SUPT3H: variants seen among roughly 807,000 people sequenced by gnomAD.
The protein encoded by SUPT3H is SPT3 homolog, SAGA and STAGA complex component.
In SUPT3H, 44 loss-of-function variants were observed where a neutral mutation model predicts 44.3. The ratio of observed to expected loss-of-function variants is 0.99; its 90% confidence interval spans 0.78 to 1.28. SUPT3H has a LOEUF of 1.28. Among genes scored for constraint, SUPT3H ranks in the 50% most tolerant of loss-of-function variants. The probability of loss-of-function intolerance (pLI) is 0.00; values close to 1 mark genes in which losing one functional copy is unlikely to be tolerated. For synonymous variants in SUPT3H, 124 were observed against 125.6 expected (o/e 0.99, Z 0.09); for missense variants, 380 against 387.1 (o/e 0.98, Z 0.15).
chr6:44,846,835 G>A (rs1771961493), intron 10 of SUPT3H, among the ~76,000 whole-genome samples: 1 of 152,064 alleles, frequency 6.6e-6, no homozygotes, highest in South Asian at 2.1e-4. Context: ...TTTCTCTGCT[G>A]GACAGGCTGG....
At chr6:45,081,836 G>A (rs1291802290) in intron 3 of SUPT3H, among the ~76,000 whole-genome samples, 4 of 152,152 alleles carry the variant, frequency 2.6e-5, no homozygotes, top group African/African-American at 9.6e-5. Flanking sequence ...AGAACTGCCT[G>A]CTCAGCAATT....
chr6:45,303,384 T>C (rs1782453049), intron 2 of SUPT3H, among the ~76,000 whole-genome samples: 1 of 151,970 alleles, frequency 6.6e-6, no homozygotes, highest in Admixed American at 6.6e-5. Context: ...GACAAAGGAC[T>C]AATATCCAGA....
chr6:45,352,658 CTG>C (rs1792299240), intron 2 of SUPT3H, among the ~76,000 whole-genome samples: 1 of 152,078 alleles, frequency 6.6e-6, no homozygotes, highest in South Asian at 2.1e-4. Context: ...TATGGAGCAA[CTG>C]TACCTAGTAT....
chr6:44,983,729 A>G (rs938984784), intron 6 of SUPT3H, among the ~76,000 whole-genome samples: 8 of 152,224 alleles, frequency 5.3e-5, no homozygotes, highest in Non-Finnish European at 1.2e-4. Context: ...GTAATATAGT[A>G]TTTAAAATAA....
chr6:45,343,770 T>C (rs1790303642), intron 2 of SUPT3H, among the ~76,000 whole-genome samples: 1 of 152,186 alleles, frequency 6.6e-6, no homozygotes, highest in Non-Finnish European at 1.5e-5. Flanking sequence ...CCAGTAGCTC[T>C]GATGTAACAC....
At chr6:44,870,760 C>A (rs1776273819) in intron 10 of SUPT3H, among the ~76,000 whole-genome samples, 1 of 150,856 alleles carries the variant, frequency 6.6e-6, no homozygotes, top group African/African-American at 2.4e-5. Context: ...CTAGGGAGTG[C>A]CAGAGAGTGG....
At chr6:45,098,219 CAG>C (rs1798066193) in intron 3 of SUPT3H, 1 of 159,394 alleles carries the variant, frequency 6.3e-6, no homozygotes, top group South Asian at 1.7e-4. Context: ...TTCAAGAAGA[CAG>C]AAGTGTGCCA....
intron 11 of SUPT3H, among the ~76,000 whole-genome samples, chr6:44,820,701 G>A (rs1767241968): frequency 6.6e-6 from 1 of 152,174 alleles, no homozygotes; most frequent in Non-Finnish European, 1.5e-5. Flanking sequence ...GGAGAACACA[G>A]TAACAAAATA....
intron 11 of SUPT3H, among the ~76,000 whole-genome samples, chr6:44,813,677 A>G (rs1394153392): frequency 6.6e-6 from 1 of 151,674 alleles, no homozygotes; most frequent in Non-Finnish European, 1.5e-5. Flanking sequence ...TCAAAAAAGA[A>G]TCAAATGGTG....
intron 3 of SUPT3H, among the ~76,000 whole-genome samples, chr6:45,077,708 G>C (rs923722400): frequency 6.7e-6 from 1 of 149,792 alleles, no homozygotes; most frequent in Non-Finnish European, 1.5e-5. Context: ...AAGGCCAAGT[G>C]CATTTCTACT....
At chr6:44,906,013 C>T (rs565977381) in intron 10 of SUPT3H, among the ~76,000 whole-genome samples, 17 of 151,174 alleles carry the variant, frequency 1.1e-4, no homozygotes, top group Admixed American at 2.0e-4. Context: ...CATCACACAC[C>T]GGGGCCTGTT....
chr6:45,048,221 C>CTTTT (rs67557043), intron 3 of SUPT3H, among the ~76,000 whole-genome samples: 58 of 88,096 alleles, frequency 6.6e-4, no homozygotes, highest in African/African-American at 2.1e-3. Flanking sequence ...TCTCTCTACT[C>CTTTT]TTTTTTTTTT....
intron 2 of SUPT3H, among the ~76,000 whole-genome samples, chr6:45,306,688 G>C (rs1441259324): frequency 6.6e-6 from 1 of 152,344 alleles, no homozygotes; most frequent in East Asian, 1.9e-4. Context: ...AACAGCTCCA[G>C]TCTACAGCTC....
intron 3 of SUPT3H, among the ~76,000 whole-genome samples, chr6:45,030,829 A>G (rs773479385): frequency 1.6e-4 from 25 of 152,142 alleles, no homozygotes; most frequent in Non-Finnish European, 8.8e-5. Context: ...GAAAGTGCCA[A>G]TTTTAGATTT....
At chr6:44,961,878 T>C (rs1166744969) in intron 6 of SUPT3H, 50 bp from the exon 7 acceptor site, 2 of 1,425,900 alleles carry the variant, frequency 1.4e-6, no homozygotes, top group South Asian at 1.2e-5. Context: ...GATTATTATA[T>C]ATGTTTTCAC....
At chr6:44,966,531 G>C (rs1776801956) in intron 6 of SUPT3H, among the ~76,000 whole-genome samples, 1 of 151,586 alleles carries the variant, frequency 6.6e-6, no homozygotes, top group Admixed American at 6.6e-5. Flanking sequence ...GAACTTAAAG[G>C]AAAACTTTAA....
In SUPT3H at chr6:44,810,527, G is replaced by T. The variant is rs144199857; in HGVS notation, c.*53-1026C>A. Among the ~76,000 whole-genome samples the T allele has an allele frequency of 6.0e-3, 913 of 151,848 alleles. 9 individuals carry two copies. Among genetic ancestry groups the T allele is most frequent in the South Asian group, 0.022 (107 of 4,802 alleles). On this transcript the variant is annotated intron_variant and NMD_transcript_variant, in intron 11 of 11. Coordinates refer to the SUPT3H transcript ENST00000475057. ...TAAGTTACAGGATATTAAAGAGGGA[G>T]TGTGACTCAGAGAAAAGAGGAAAAA...
At chr6:44,948,740 A>G (rs1445020746) in intron 9 of SUPT3H, among the ~76,000 whole-genome samples, 2 of 152,078 alleles carry the variant, frequency 1.3e-5, no homozygotes, top group Non-Finnish European at 2.9e-5. Flanking sequence ...GTCAGGAAAC[A>G]ACAGGTGCTG....
chr6:44,814,839 G>C (rs1766799395), intron 11 of SUPT3H, among the ~76,000 whole-genome samples: 1 of 152,030 alleles, frequency 6.6e-6, no homozygotes. Context: ...ACCACGCCTG[G>C]ATAATTTTTG....
Sources: gnomAD v4.1 joint callset for allele counts (sites outside exome capture counted in the v4.1 genomes callset) on GRCh38, gnomAD v4.1.1 for gene constraint, MANE v1.5 for transcripts, NCBI Gene and HGNC (gene_info 2026-07-23, HGNC 2026-07-21) for gene names.